Variants in MTHFD1L observed in about 807,000 individuals in gnomAD.
MTHFD1L encodes methylenetetrahydrofolate dehydrogenase (NADP+ dependent) 1 like.
Under a neutral mutation model 119.5 loss-of-function variants are expected in MTHFD1L, and 81 were observed. The observed-to-expected ratio is 0.68, with a 90% CI of 0.57 to 0.82. The LOEUF (loss-of-function observed/expected upper bound fraction) is 0.82. MTHFD1L is among the 40% of genes least tolerant of loss of function. MTHFD1L has a pLI of 0.00. For missense variants in MTHFD1L, 1,125 were observed against 1,253.4 expected (o/e 0.90, Z 1.55); for synonymous variants, 430 against 475.2 (o/e 0.90, Z 1.24).
At chr6:150,987,574 C>T (rs371047390) in intron 20 of MTHFD1L, among the ~76,000 whole-genome samples, 4 of 152,158 alleles carry the variant, frequency 2.6e-5, no homozygotes, top group East Asian at 3.9e-4. Flanking sequence ...ACTGAGCATC[C>T]GAGTGAGTTA....
chr6:150,990,966 C>G (rs1778985285), intron 20 of MTHFD1L, among the ~76,000 whole-genome samples: 1 of 152,232 alleles, frequency 6.6e-6, no homozygotes. Context: ...AGTGATTTTC[C>G]TGCCTCAGCC....
chr6:151,004,982 A>G (rs1781187739), intron 20 of MTHFD1L, among the ~76,000 whole-genome samples: 1 of 151,652 alleles, frequency 6.6e-6, no homozygotes, highest in African/African-American at 2.4e-5. Flanking sequence ...GACTTGCTTC[A>G]TGACTTAAGA....
At chr6:150,929,559 C>G (rs1360814103) in intron 11 of MTHFD1L, among the ~76,000 whole-genome samples, 1 of 152,174 alleles carries the variant, frequency 6.6e-6, no homozygotes, top group Non-Finnish European at 1.5e-5. Context: ...TTTCAGGTTC[C>G]TTACTTGTAA....
chr6:150,977,902 C>CTTT lies in MTHFD1L; in HGVS notation c.2125+5858_2125+5860dup, dbSNP rs11355188. Among the ~76,000 whole-genome samples, 204 of 141,150 alleles carry CTTT rather than the reference C, an allele frequency of 1.4e-3. 1 individual carries two copies. The highest frequency in any genetic ancestry group is 5.0e-3 in the African/African-American group (194 of 38,428). 92.6% of individuals were successfully genotyped at this position (141,150 alleles called of 152,430 possible). A position where few individuals can be genotyped will look rare whatever the true frequency, so the allele number is the denominator to read the frequency against. On this transcript the variant is annotated intron_variant, in intron 20 of 27. Transcript: ENST00000367321. ...CATATGGAGACATATATATATACACCTTTTTTTTTTTTTTTTGAGATGGAG... is the reference window on the plus strand; with the variant it reads ...CATATGGAGACATATATATATACACCTTTTTTTTTTTTTTTTTTTGAGATGGAG...
At chr6:151,077,923 C>T (rs1045137624) in intron 26 of MTHFD1L, among the ~76,000 whole-genome samples, 5 of 150,640 alleles carry the variant, frequency 3.3e-5, no homozygotes, top group African/African-American at 1.2e-4. Context: ...TGGTGGCAGG[C>T]GCCTGTAGCC....
At chr6:150,915,444 A>G (rs146681328) in intron 8 of MTHFD1L, among the ~76,000 whole-genome samples, 80 of 152,322 alleles carry the variant, frequency 5.3e-4, no homozygotes, top group African/African-American at 1.9e-3. Context: ...GCTAAGTTCT[A>G]TGCTATGCAA....
chr6:150,932,210 T>A (rs1791176926), intron 11 of MTHFD1L, among the ~76,000 whole-genome samples: 2 of 150,292 alleles, frequency 1.3e-5, no homozygotes, highest in Admixed American at 6.7e-5. Flanking sequence ...TCAACCCTTT[T>A]TTGCTGTTCT....
At chr6:150,877,887 A>G in intron 4 of MTHFD1L, 61 bp downstream of exon 4, 2 of 1,586,608 alleles carry the variant, frequency 1.3e-6, no homozygotes, top group Non-Finnish European at 1.7e-6. Flanking sequence ...TAATAGGCCC[A>G]TTGGCGTCTC....
chr6:150,888,052 A>T, intron 7 of MTHFD1L, 71 bp downstream of exon 7: 1 of 1,446,256 alleles, frequency 6.9e-7, no homozygotes. Context: ...GAAATGTATA[A>T]GCTAAGTGCT....
intron 17 of MTHFD1L, among the ~76,000 whole-genome samples, chr6:150,958,119 T>C (rs1228130507): frequency 6.6e-6 from 1 of 152,196 alleles, no homozygotes; most frequent in Non-Finnish European, 1.5e-5. Context: ...TTAAAAAAAC[T>C]TGCCCAAGGT....
intron 20 of MTHFD1L, among the ~76,000 whole-genome samples, chr6:150,983,106 G>C (rs945406256): frequency 6.6e-6 from 1 of 152,132 alleles, no homozygotes; most frequent in Admixed American, 6.6e-5. Context: ...TTTGTGAATT[G>C]TCTATTTTGT....
chr6:151,096,034 G>T (rs1316035497), intron 27 of MTHFD1L, among the ~76,000 whole-genome samples: 1 of 152,210 alleles, frequency 6.6e-6, no homozygotes, highest in African/African-American at 2.4e-5. Flanking sequence ...TTGACTCTCA[G>T]TATTACCCCA....
At chr6:150,900,872 G>A (rs973286675) in intron 7 of MTHFD1L, among the ~76,000 whole-genome samples, 3 of 151,476 alleles carry the variant, frequency 2.0e-5, no homozygotes, top group East Asian at 3.9e-4. Flanking sequence ...AAAATTAGCC[G>A]GGCATGGTGG....
intron 21 of MTHFD1L, among the ~76,000 whole-genome samples, chr6:151,012,019 C>CAAAAAAAAAAAAAAAAAAAAAAAA (rs1043831602): frequency 1.7e-5 from 1 of 58,832 alleles, no homozygotes; most frequent in African/African-American, 5.8e-5. Flanking sequence ...ACAACAACAA[C>CAAAAAAAAAAAAAAAAAAAAAAAA]AAAAAAAAAA....
In MTHFD1L at chr6:151,009,348, C is replaced by T. The variant is rs959854765; in HGVS notation, c.2126-471C>T. ...AGGAGTTTGAGACCAGTCTGGCCAA[C>T]ATGGTGAAACCCCATCTCTACTAAA... On this transcript the variant is annotated intron_variant, in intron 20 of 27. Transcript: ENST00000367321. Among the ~76,000 whole-genome samples, 3 of 151,938 alleles carry T rather than the reference C, an allele frequency of 2.0e-5. No individual in the cohort carries two copies. The South Asian group carries it at 6.2e-4, about 32-fold the overall frequency.
chr6:150,889,046 G>A (rs1421995003), intron 7 of MTHFD1L, among the ~76,000 whole-genome samples: 17 of 152,178 alleles, frequency 1.1e-4, no homozygotes, highest in African/African-American at 2.6e-4. Context: ...GCGTGTCGGC[G>A]CAAGCCTGTA....
At chr6:150,933,938 C>T (rs1166241713) in intron 11 of MTHFD1L, among the ~76,000 whole-genome samples, 4 of 152,164 alleles carry the variant, frequency 2.6e-5, no homozygotes, top group Non-Finnish European at 5.9e-5. Flanking sequence ...TTTTATACTA[C>T]GCCTTCTTAG....
At position 151,099,768 on chromosome 6, in the gene MTHFD1L, C is replaced by T. The variant is rs150856912; in HGVS notation, c.*32-1758C>T. On this transcript the variant is annotated intron_variant, in intron 27 of 27. Coordinates refer to ENST00000367321, the MANE Select transcript of MTHFD1L (RefSeq NM_015440.5). ...GCTTCCGGAAGTTCCTGGTCCACAA[C>T]GTCAAGGAGCTGGAAGTGCTGCTGA... The T allele has an allele frequency of 1.1e-4, 171 of 1,608,660 alleles. 2 individuals are homozygous for T. In the East Asian group the frequency reaches 3.6e-3, roughly 34 times the overall value.
chr6:151,098,832 C>T (rs959053718), intron 27 of MTHFD1L, among the ~76,000 whole-genome samples: 1 of 152,130 alleles, frequency 6.6e-6, no homozygotes, highest in Non-Finnish European at 1.5e-5. Context: ...TTGTTTTCAT[C>T]TATAATGAGA....
Sources: gnomAD v4.1 joint callset for allele counts (sites outside exome capture counted in the v4.1 genomes callset) on GRCh38, gnomAD v4.1.1 for gene constraint, MANE v1.5 for transcripts, NCBI Gene and HGNC (gene_info 2026-07-23, HGNC 2026-07-21) for gene names.